Variants in RAB3B observed in about 807,000 individuals in gnomAD.
RAB3B encodes the protein ras-related protein Rab-3B.
RAB3B carries 11 observed loss-of-function variants against 20.5 expected under a neutral mutation model. That is an observed-to-expected ratio of 0.54 (90% CI 0.34 to 0.89). The LOEUF is 0.89. Among genes scored for constraint, RAB3B ranks in the 40% least tolerant of loss-of-function variants. RAB3B has a pLI of 0.02. For missense variants in RAB3B, 225 were observed against 280.9 expected (o/e 0.80, Z 1.42); for synonymous variants, 99 against 106.3 (o/e 0.93, Z 0.42).
intron 2 of RAB3B, among the ~76,000 whole-genome samples, chr1:51,947,499 A>T (rs1684581515): frequency 6.6e-6 from 1 of 152,206 alleles, no homozygotes; most frequent in Non-Finnish European, 1.5e-5. Context: ...TTAGCCCCCA[A>T]GATCCTCTGC....
intron 4 of RAB3B, among the ~76,000 whole-genome samples, chr1:51,920,699 G>A (rs2124230525): frequency 6.6e-6 from 1 of 152,328 alleles, no homozygotes; most frequent in Non-Finnish European, 1.5e-5. Context: ...AAAAGCACCA[G>A]TATGAGAAGC....
chr1:51,981,555 T>C (rs1396178427), intron 1 of RAB3B, among the ~76,000 whole-genome samples: 1 of 152,218 alleles, frequency 6.6e-6, no homozygotes, highest in Non-Finnish European at 1.5e-5. Flanking sequence ...TGCATTCTAG[T>C]CTATACCTTC....
intron 2 of RAB3B, among the ~76,000 whole-genome samples, chr1:51,952,716 A>T (rs1265395805): frequency 6.6e-6 from 1 of 152,226 alleles, no homozygotes; most frequent in Non-Finnish European, 1.5e-5. Flanking sequence ...GAAAAAAGAT[A>T]AAAATGAAGA....
At position 51,976,050 on chromosome 1, in the gene RAB3B, C is replaced by A. The variant is rs540991296; in HGVS notation, c.228+840G>T. ...ATGTTTCAGATGACTGCAAGCCAAG[C>A]CAACATCTGGCTACACCTCATGAGA... On this transcript the variant is annotated intron_variant, in intron 2 of 4. Transcript: ENST00000371655. 2.6e-5 allele frequency among the ~76,000 whole-genome samples: 4 copies of A among 152,082 alleles called. No homozygotes were observed. In the South Asian group the frequency reaches 6.2e-4, roughly 24 times the overall value.
intron 2 of RAB3B, among the ~76,000 whole-genome samples, chr1:51,940,625 GA>G (rs921996485): frequency 2.1e-4 from 30 of 142,400 alleles, no homozygotes; most frequent in East Asian, 4.0e-4. Context: ...GTCTCAAAAG[GA>G]AAAAAAAAAA....
intron 2 of RAB3B, among the ~76,000 whole-genome samples, chr1:51,959,369 G>A (rs567232167): frequency 3.9e-5 from 6 of 152,072 alleles, no homozygotes; most frequent in East Asian, 1.9e-4. Flanking sequence ...AAAATTAGCC[G>A]GGTGTGGTGG....
rs1475691907 is a variant in RAB3B, at chr1:51,912,182, CA to C, written c.*7744del. The C allele has an allele frequency of 6.8e-6, 1 of 146,008 alleles. No homozygotes were observed. The allele number at this position is 146,008 out of a possible 1,614,324, so 9.0% of individuals were successfully genotyped here. A position where few individuals can be genotyped will look rare whatever the true frequency, so the allele number is the denominator to read the frequency against. ...CTCTGTCACCCAGGCTGGAGTGGCACAGTGTACAATCATGGCTATGGCTCAC... is the reference window on the plus strand; with the variant it reads ...CTCTGTCACCCAGGCTGGAGTGGCACGTGTACAATCATGGCTATGGCTCAC... On this transcript the variant is annotated 3_prime_UTR_variant, in exon 5 of 5. Transcript: ENST00000371655.
intron 4 of RAB3B, among the ~76,000 whole-genome samples, chr1:51,931,186 T>C (rs1684318234): frequency 6.6e-6 from 1 of 152,198 alleles, no homozygotes; most frequent in Admixed American, 6.5e-5. Context: ...TCCAGTGATT[T>C]ATGGTTCCCT....
chr1:51,985,702 G>C (rs1685142109), intron 1 of RAB3B, among the ~76,000 whole-genome samples: 1 of 152,134 alleles, frequency 6.6e-6, no homozygotes, highest in Non-Finnish European at 1.5e-5. Flanking sequence ...ACACTGTGCT[G>C]AGAAAAATAC....
At chr1:51,967,482 T>TTATA (rs1684868675) in intron 2 of RAB3B, among the ~76,000 whole-genome samples, 1 of 148,904 alleles carries the variant, frequency 6.7e-6, no homozygotes, top group Non-Finnish European at 1.5e-5. Context: ...ATGAGGGAAT[T>TTATA]TATATCAGGT....
At chr1:51,941,646 C>T (rs1334729848) in intron 2 of RAB3B, among the ~76,000 whole-genome samples, 1 of 152,214 alleles carries the variant, frequency 6.6e-6, no homozygotes, top group Admixed American at 6.5e-5. Flanking sequence ...CAATTCAGCT[C>T]TGGCCCAGAC....
intron 2 of RAB3B, among the ~76,000 whole-genome samples, chr1:51,974,434 T>G (rs1283003048): frequency 6.6e-6 from 1 of 152,190 alleles, no homozygotes; most frequent in African/African-American, 2.4e-5. Flanking sequence ...AAATTTGCAT[T>G]TCTAACAAAT....
intron 4 of RAB3B, among the ~76,000 whole-genome samples, chr1:51,923,464 C>T (rs960079429): frequency 1.3e-5 from 2 of 152,058 alleles, no homozygotes; most frequent in Non-Finnish European, 2.9e-5. Flanking sequence ...GCCTGTAATC[C>T]CTGCAGTTTG....
intron 1 of RAB3B, chr1:51,980,868 A>G: frequency 1.5e-6 from 1 of 646,176 alleles, no homozygotes; most frequent in East Asian, 2.7e-5. Context: ...CTGGAGAAAA[A>G]TAAAATGGAA....
At chr1:51,990,012 C>T (rs928640244) in intron 1 of RAB3B, among the ~76,000 whole-genome samples, 1 of 142,092 alleles carries the variant, frequency 7.0e-6, no homozygotes. Flanking sequence ...CTGCCCAGCG[C>T]CCCTTGCCCT....
chr1:51,962,776 A>C (rs1406658133), intron 2 of RAB3B, among the ~76,000 whole-genome samples: 1 of 152,142 alleles, frequency 6.6e-6, no homozygotes, highest in Non-Finnish European at 1.5e-5. Flanking sequence ...CCTTGCTGTA[A>C]TCAAAGCCCG....
chr1:51,986,572 C>T (rs1685154830), intron 1 of RAB3B, among the ~76,000 whole-genome samples: 1 of 152,078 alleles, frequency 6.6e-6, no homozygotes, highest in South Asian at 2.1e-4. Context: ...ATGATTGCAC[C>T]ACTGTATCCC....
chr1:51,953,146 C>T (rs1166387323), intron 2 of RAB3B, among the ~76,000 whole-genome samples: 1 of 152,134 alleles, frequency 6.6e-6, no homozygotes, highest in East Asian at 1.9e-4. Context: ...TCATAATATC[C>T]CAGTGCTTTG....
chr1:51,979,999 G>A (rs1055026779), intron 1 of RAB3B, among the ~76,000 whole-genome samples: 2 of 151,780 alleles, frequency 1.3e-5, no homozygotes, highest in African/African-American at 4.8e-5. Context: ...TGAGATCCAG[G>A]CCACTGCACT....
Sources: allele counts gnomAD v4.1 joint callset (sites outside exome capture counted in the v4.1 genomes callset), GRCh38; gene constraint gnomAD v4.1.1; transcripts MANE v1.5; gene names NCBI Gene and HGNC (gene_info 2026-07-23, HGNC 2026-07-21).